The following OTOA variants were observed in gnomAD, a reference collection of about 807,000 sequenced individuals.
The protein encoded by OTOA is cancer/testis antigen 108.
A neutral mutation model predicts 110.8 loss-of-function variants in OTOA; 70 were observed. The ratio of observed to expected loss-of-function variants is 0.63; its 90% confidence interval spans 0.52 to 0.77. The LOEUF (loss-of-function observed/expected upper bound fraction) is 0.77, where lower values mean the gene tolerates loss of function less well. OTOA is among the 30% of genes least tolerant of loss of function. OTOA has a pLI of 0.00. For synonymous variants in OTOA, 373 were observed against 431.5 expected (o/e 0.86, Z 1.68); for missense variants, 917 against 1,075.8 (o/e 0.85, Z 2.06).
chr16:21,696,636 C>A (rs1597818193), intron 9 of OTOA, among the ~76,000 whole-genome samples: 1 of 151,912 alleles, frequency 6.6e-6, no homozygotes. Context: ...GTGATGTGAT[C>A]CCGGCTCACT....
intron 1 of OTOA, among the ~76,000 whole-genome samples, chr16:21,674,496 G>T (rs1247264119): frequency 1.3e-5 from 2 of 151,778 alleles, no homozygotes; most frequent in Non-Finnish European, 2.9e-5. Context: ...ACCATGCCCG[G>T]CTAATATTTG....
intron 12 of OTOA, among the ~76,000 whole-genome samples, chr16:21,705,646 G>A (rs1898149870): frequency 6.6e-6 from 1 of 151,732 alleles, no homozygotes; most frequent in Non-Finnish European, 1.5e-5. Flanking sequence ...CCTTGTCTCT[G>A]CAAAAAATAC....
At chr16:21,721,261 A>C in intron 17 of OTOA, 4 of 453,218 alleles carry the variant, frequency 8.8e-6, no homozygotes, top group South Asian at 6.2e-5. Context: ...ACACACACAC[A>C]CACACACACA....
At chr16:21,702,112 G>A (rs1159155772) in intron 11 of OTOA, among the ~76,000 whole-genome samples, 3 of 151,684 alleles carry the variant, frequency 2.0e-5, no homozygotes, top group Non-Finnish European at 4.4e-5. Context: ...ACCACACCCA[G>A]CTAATTTTTG....
chr16:21,687,580 G>C lies in OTOA; in HGVS notation c.567G>C (p.Gly189=), dbSNP rs2141661082. 6.2e-7 allele frequency: 1 copy of C among 1,614,052 alleles called. No individual in the cohort carries two copies. The highest frequency in any genetic ancestry group is 1.7e-5 in the Admixed American group (1 of 60,002). ...GCAAGGTGCTGAGGGGGTCCTCAGG[G>C]AGCTTTCTCCAGCCAGACATCACAG... The part of the protein sequence containing the change: ...ILGKVLRGSS[G]SFLQPDITER... The change falls in exon 8 of 29, where the codon GGG becomes GGC. Residue 189 remains glycine, a synonymous_variant. Coordinates refer to ENST00000646100, the MANE Select transcript of OTOA (RefSeq NM_144672.4).
intron 18 of OTOA, among the ~76,000 whole-genome samples, chr16:21,725,832 A>T (rs1254097585): frequency 6.6e-6 from 1 of 152,220 alleles, no homozygotes; most frequent in Non-Finnish European, 1.5e-5. Flanking sequence ...GAAATTATAC[A>T]CTGAGGAAAA....
intron 5 of OTOA, 98 bp from the exon 6 acceptor site, chr16:21,681,639 TG>T: frequency 1.1e-6 from 1 of 936,508 alleles, no homozygotes; most frequent in Non-Finnish European, 1.7e-6. Context: ...CTAACACCCC[TG>T]GTCCATCCCT....
chr16:21,734,046 T>C (rs1899203456), intron 21 of OTOA, among the ~76,000 whole-genome samples: 1 of 151,796 alleles, frequency 6.6e-6, no homozygotes, highest in Admixed American at 6.6e-5. Context: ...GTGATCTGCC[T>C]GCTTGGGCCT....
intron 1 of OTOA, among the ~76,000 whole-genome samples, chr16:21,668,339 G>C (rs1966844657): frequency 1.3e-5 from 2 of 151,186 alleles, no homozygotes. Context: ...CAAACTCCTG[G>C]CCTCAAACAA....
At position 21,664,029 on chromosome 16, in the gene OTOA, G is replaced by C. The variant is rs1362751072; in HGVS notation, c.-208G>C. The C allele has an allele frequency of 6.6e-6, 1 of 152,202 alleles. No individual in the cohort carries two copies. Among genetic ancestry groups the C allele is most frequent in the Admixed American group, 6.5e-5 (1 of 15,282 alleles). 9.4% of individuals were successfully genotyped at this position (152,202 alleles called of 1,614,324 possible). On this transcript the variant is annotated 5_prime_UTR_variant, in exon 1 of 29. Transcript: ENST00000646100. Reference sequence around the variant, plus strand: ...GCGTCTTGCAAGCTTCGACAGATAGGAAGTCCCAGGCGGGGACTGTGACCC... The same window carrying C: ...GCGTCTTGCAAGCTTCGACAGATAGCAAGTCCCAGGCGGGGACTGTGACCC...
At chr16:21,675,170 T>C (rs1966855294) in intron 1 of OTOA, among the ~76,000 whole-genome samples, 1 of 149,394 alleles carries the variant, frequency 6.7e-6, no homozygotes, top group Admixed American at 6.8e-5. Context: ...TCTCTTTTTT[T>C]TTTCAGTCTC....
chr16:21,665,243 T>C (rs529212355), intron 1 of OTOA, among the ~76,000 whole-genome samples: 85 of 152,222 alleles, frequency 5.6e-4, no homozygotes, highest in African/African-American at 2.0e-3. Flanking sequence ...CCAGTGAGCG[T>C]TGGAATCATT....
chr16:21,685,145 G>GC lies in OTOA; in HGVS notation c.268-83dup. 1.9e-6 allele frequency: 3 copies of GC among 1,558,126 alleles called. No individual in the cohort carries two copies. In the South Asian group the frequency reaches 3.4e-5, roughly 17 times the overall value. On this transcript the variant is annotated intron_variant, in intron 6 of 28. Coordinates refer to ENST00000646100, the MANE Select transcript of OTOA (RefSeq NM_144672.4). ...TGTGGTCTCTGCAGGGAATGAGGGGGCCGGGCTGGGCCGCTGGCCATGGTG... is the reference window on the plus strand; with the variant it reads ...TGTGGTCTCTGCAGGGAATGAGGGGGCCCGGGCTGGGCCGCTGGCCATGGTG...
At chr16:21,679,877 G>A (rs2141653700) in intron 5 of OTOA, among the ~76,000 whole-genome samples, 1 of 152,280 alleles carries the variant, frequency 6.6e-6, no homozygotes, top group Admixed American at 6.5e-5. Flanking sequence ...CACACAACTG[G>A]GATGTGAACC....
At chr16:21,732,668 G>C (rs1773168531) in intron 21 of OTOA, among the ~76,000 whole-genome samples, 1 of 151,796 alleles carries the variant, frequency 6.6e-6, no homozygotes, top group African/African-American at 2.4e-5. Flanking sequence ...ACACAGTGTA[G>C]AGTTAAAAAA....
At position 21,712,687 on chromosome 16, in the gene OTOA, A is replaced by AT. The variant is rs1057457329; in HGVS notation, c.1321-2298_1321-2297insT. Among the ~76,000 whole-genome samples the AT allele has an allele frequency of 2.7e-4, 41 of 151,176 alleles. 1 individual carries two copies. The highest frequency in any genetic ancestry group is 1.2e-3 in the Admixed American group (18 of 15,162). On this transcript the variant is annotated intron_variant, in intron 13 of 28. Coordinates refer to ENST00000646100, the MANE Select transcript of OTOA (RefSeq NM_144672.4). ...AACCATGTCTCTACTAAAAATAAAA[A>AT]AAAAAAAATTAGCTGGGCATGGTGG...
chr16:21,724,181 G>A (rs765855509), intron 18 of OTOA, among the ~76,000 whole-genome samples: 2 of 152,176 alleles, frequency 1.3e-5, no homozygotes, highest in African/African-American at 4.8e-5. Context: ...GTTTGACTAG[G>A]CCAGATGGGT....
chr16:21,747,482 G>T lies in OTOA; in HGVS notation c.2775+2446G>T, dbSNP rs797013823. The T allele has an allele frequency of 0.011, 1,076 of 97,046 alleles. No individual in the cohort carries two copies. The East Asian group carries it at 0.17, about 15-fold the overall frequency. The allele number at this position is 97,046 out of a possible 1,614,324, so 6.0% of individuals were successfully genotyped here. ...TAGCTCCCAATCAACCTTAAATGCA[G>T]GTTTCTAGATTAATAGTCAGACCTG... On this transcript the variant is annotated intron_variant, in intron 24 of 28. Coordinates refer to ENST00000646100, the MANE Select transcript of OTOA (RefSeq NM_144672.4).
intron 22 of OTOA, 69 bp downstream of exon 22, chr16:21,736,459 A>T (rs905025328): frequency 7.0e-6 from 11 of 1,565,820 alleles, no homozygotes; most frequent in South Asian, 1.1e-5. Flanking sequence ...GGTCCCTGAC[A>T]TCAAGAGGCC....
Sources: allele counts gnomAD v4.1 joint callset (sites outside exome capture counted in the v4.1 genomes callset), GRCh38; gene constraint gnomAD v4.1.1; transcripts MANE v1.5; gene names NCBI Gene and HGNC (gene_info 2026-07-23, HGNC 2026-07-21).